Variants in EFL1 observed in about 807,000 individuals in gnomAD.
EFL1 encodes elongation factor-like GTPase 1.
A neutral mutation model predicts 126.7 loss-of-function variants in EFL1; 76 were observed. The observed-to-expected ratio is 0.60, with a 90% CI of 0.50 to 0.73. The LOEUF is 0.73. Ranked by LOEUF, EFL1 falls within the 30% of genes least tolerant of loss-of-function variation. The pLI, the probability that EFL1 is intolerant of heterozygous loss-of-function variation, is 0.00. For synonymous variants in EFL1, 410 were observed against 448.4 expected (o/e 0.91, Z 1.08); for missense variants, 1,128 against 1,343.2 (o/e 0.84, Z 2.50).
intron 6 of EFL1, among the ~76,000 whole-genome samples, chr15:82,238,848 C>G (rs1339031398): frequency 6.6e-6 from 1 of 152,132 alleles, no homozygotes; most frequent in Non-Finnish European, 1.5e-5. Context: ...ATTTCCAACC[C>G]CACAATCCTA....
intron 3 of EFL1, among the ~76,000 whole-genome samples, chr15:82,258,605 A>G (rs1348358290): frequency 6.6e-6 from 1 of 152,242 alleles, no homozygotes; most frequent in East Asian, 1.9e-4. Flanking sequence ...CTCAGGCACA[A>G]GCAGCTTTCC....
At chr15:82,179,368 T>C (rs2074225846) in intron 15 of EFL1, among the ~76,000 whole-genome samples, 1 of 152,074 alleles carries the variant, frequency 6.6e-6, no homozygotes, top group South Asian at 2.1e-4. Context: ...TGCAAGCAAG[T>C]TTTATAGTTT....
intron 4 of EFL1, among the ~76,000 whole-genome samples, chr15:82,250,569 G>A (rs1354126922): frequency 1.3e-5 from 2 of 150,200 alleles, no homozygotes; most frequent in African/African-American, 4.9e-5. Context: ...AGGGTAAGAA[G>A]TCAGGGCAAG....
chr15:82,242,545 ACAC>A (rs1430334706), intron 4 of EFL1, among the ~76,000 whole-genome samples: 8 of 61,642 alleles, frequency 1.3e-4, no homozygotes, highest in Admixed American at 1.1e-3. Context: ...CTGATGATAA[ACAC>A]CACCACAACA....
chr15:82,146,999 T>C (rs1041889000), intron 18 of EFL1, among the ~76,000 whole-genome samples: 1 of 152,082 alleles, frequency 6.6e-6, no homozygotes, highest in African/African-American at 2.4e-5. Context: ...TTTGAGGTAT[T>C]ATCCTAGGGT....
chr15:82,183,330 A>G (rs898350634), intron 15 of EFL1, among the ~76,000 whole-genome samples: 3 of 152,178 alleles, frequency 2.0e-5, no homozygotes, highest in Admixed American at 2.0e-4. Context: ...TGAGATAAAA[A>G]TAAACTTGGC....
intron 17 of EFL1, among the ~76,000 whole-genome samples, chr15:82,153,334 C>G (rs1400124560): frequency 6.6e-6 from 1 of 152,062 alleles, no homozygotes; most frequent in Non-Finnish European, 1.5e-5. Flanking sequence ...TTTAAAACTA[C>G]TTTGATATTC....
At chr15:82,223,536 T>A (rs1467335548) in intron 12 of EFL1, among the ~76,000 whole-genome samples, 1 of 152,234 alleles carries the variant, frequency 6.6e-6, no homozygotes, top group Non-Finnish European at 1.5e-5. Context: ...ATAATAATAC[T>A]ATTATTCATC....
intron 11 of EFL1, among the ~76,000 whole-genome samples, chr15:82,226,481 G>A (rs918064120): frequency 6.6e-6 from 1 of 152,154 alleles, no homozygotes; most frequent in African/African-American, 2.4e-5. Flanking sequence ...AAATATAAGG[G>A]CCATAGATGA....
At chr15:82,210,020 T>C (rs887623244) in intron 15 of EFL1, among the ~76,000 whole-genome samples, 3 of 152,194 alleles carry the variant, frequency 2.0e-5, no homozygotes, top group African/African-American at 7.2e-5. Flanking sequence ...ATCATATTGG[T>C]CTCCACTATT....
At chr15:82,156,723 C>T (rs1241547867) in intron 17 of EFL1, among the ~76,000 whole-genome samples, 7 of 152,110 alleles carry the variant, frequency 4.6e-5, no homozygotes, top group Admixed American at 1.3e-4. Flanking sequence ...CTATATCAAT[C>T]ATTTATAATT....
rs1486438564 is a variant in EFL1 at position 82,251,989 on chromosome 15, A to C, written c.244+702T>G. On this transcript the variant is annotated intron_variant, in intron 4 of 19. Transcript: ENST00000268206. The stretch of plus-strand genomic sequence containing the variant: ...TCCAGACACCTTTATCTGCATATAT[A>C]ATATATTTTTATTACCTAAACACAT... 3.3e-4 allele frequency among the ~76,000 whole-genome samples: 50 copies of C among 152,284 alleles called. 1 individual carries two copies. Among genetic ancestry groups the C allele is most frequent in the Admixed American group, 3.1e-3 (47 of 15,300 alleles).
At chr15:82,165,040 G>A (rs1320511164) in intron 15 of EFL1, among the ~76,000 whole-genome samples, 2 of 152,158 alleles carry the variant, frequency 1.3e-5, no homozygotes, top group Non-Finnish European at 2.9e-5. Flanking sequence ...ACTTTGGGAA[G>A]TCAAGGAGGA....
intron 3 of EFL1, among the ~76,000 whole-genome samples, chr15:82,258,337 T>C (rs1435253928): frequency 6.6e-6 from 1 of 152,136 alleles, no homozygotes; most frequent in East Asian, 1.9e-4. Flanking sequence ...GGCAGGAGGA[T>C]TGCTTGAGCC....
chr15:82,185,116 A>C (rs2074289633), intron 15 of EFL1, among the ~76,000 whole-genome samples: 1 of 152,136 alleles, frequency 6.6e-6, no homozygotes, highest in African/African-American at 2.4e-5. Context: ...TCACACATAC[A>C]TATTACCCCA....
At chr15:82,259,882 TA>T (rs1417682939) in intron 2 of EFL1, among the ~76,000 whole-genome samples, 2 of 152,126 alleles carry the variant, frequency 1.3e-5, no homozygotes, top group African/African-American at 4.8e-5. Context: ...GACCAATGAG[TA>T]GGAGAACTGA....
At chr15:82,214,956 C>G (rs2074630286) in intron 14 of EFL1, 101 bp from the exon 15 acceptor site, 2 of 1,185,694 alleles carry the variant, frequency 1.7e-6, no homozygotes, top group Admixed American at 2.9e-5. Context: ...TATGGTATAG[C>G]AACATTTCAT....
intron 15 of EFL1, among the ~76,000 whole-genome samples, chr15:82,165,755 T>C (rs964799843): frequency 6.6e-6 from 1 of 152,240 alleles, no homozygotes; most frequent in Non-Finnish European, 1.5e-5. Flanking sequence ...AAAGCATTTG[T>C]CAGATCCTTT....
intron 14 of EFL1, 123 bp from the exon 15 acceptor site, chr15:82,214,978 A>G: frequency 1.2e-6 from 1 of 865,512 alleles, no homozygotes; most frequent in Admixed American, 3.5e-5. Flanking sequence ...TAAACCTGAA[A>G]TATGAACATT....
Sources: allele counts gnomAD v4.1 joint callset (sites outside exome capture counted in the v4.1 genomes callset), GRCh38; gene constraint gnomAD v4.1.1; transcripts MANE v1.5; gene names NCBI Gene and HGNC (gene_info 2026-07-23, HGNC 2026-07-21).